Variants in AFG2A observed in about 807,000 individuals in gnomAD.
The protein encoded by AFG2A is ATPase family gene 2 protein homolog A.
At chr4:122,952,572 A>G in the AFG2A span, among the ~76,000 whole-genome samples, 3 of 152,030 alleles carry the variant, frequency 2.0e-5, no homozygotes, top group Non-Finnish European at 4.4e-5. Context: ...ATAAGCCTGG[A>G]CTCTGGATTT....
At chr4:123,175,438 A>G in the AFG2A span, among the ~76,000 whole-genome samples, 36 of 152,226 alleles carry the variant, frequency 2.4e-4, no homozygotes, top group Non-Finnish European at 7.3e-5. Flanking sequence ...TTGAAACAAC[A>G]TACCACTTCC....
At chr4:123,081,817 C>G in the AFG2A span, among the ~76,000 whole-genome samples, 1 of 152,164 alleles carries the variant, frequency 6.6e-6, no homozygotes, top group Non-Finnish European at 1.5e-5. Context: ...GTGTTGGCAA[C>G]TTTCCTGATT....
At chr4:122,941,556 A>T in the AFG2A span, among the ~76,000 whole-genome samples, 1 of 152,240 alleles carries the variant, frequency 6.6e-6, no homozygotes, top group African/African-American at 2.4e-5. Flanking sequence ...GGTTTTCTAG[A>T]TATACAATCA....
the AFG2A span, among the ~76,000 whole-genome samples, chr4:123,078,219 T>C: frequency 6.6e-6 from 1 of 152,192 alleles, no homozygotes; most frequent in South Asian, 2.1e-4. Flanking sequence ...ATATTTGACA[T>C]TGAACATTTG....
the AFG2A span, among the ~76,000 whole-genome samples, chr4:123,242,283 A>C: frequency 6.6e-6 from 1 of 152,212 alleles, no homozygotes; most frequent in East Asian, 1.9e-4. Context: ...TGAAACCAAA[A>C]AGGAGCCCGC....
the AFG2A span, among the ~76,000 whole-genome samples, chr4:123,275,105 C>T: frequency 1.3e-5 from 2 of 152,132 alleles, no homozygotes; most frequent in African/African-American, 2.4e-5. Flanking sequence ...TTTACCTCCT[C>T]CAATTTCCAC....
chr4:123,135,638 A>G, the AFG2A span, among the ~76,000 whole-genome samples: 4 of 152,234 alleles, frequency 2.6e-5, no homozygotes, highest in African/African-American at 7.2e-5. Context: ...ATCAAACAAT[A>G]TAGTATAACA....
chr4:123,061,379 GAA>G, the AFG2A span, among the ~76,000 whole-genome samples: 5 of 152,156 alleles, frequency 3.3e-5, no homozygotes, highest in African/African-American at 1.2e-4. Context: ...AATTTATAAA[GAA>G]AAAGAGGTTT....
the AFG2A span, among the ~76,000 whole-genome samples, chr4:122,977,682 T>G: frequency 1.1e-4 from 17 of 152,246 alleles, no homozygotes; most frequent in African/African-American, 4.1e-4. Context: ...CTTTCAGTCC[T>G]GCCATTTGGA....
chr4:122,934,515 A>G, the AFG2A span: 1 of 1,614,106 alleles, frequency 6.2e-7, no homozygotes, highest in African/African-American at 1.3e-5. Context: ...AAGAAGAGAG[A>G]CTGCTAAAGT....
the AFG2A span, chr4:123,056,437 A>G: frequency 6.2e-7 from 1 of 1,612,536 alleles, no homozygotes; most frequent in Non-Finnish European, 8.5e-7. Flanking sequence ...GAGCAGTTAG[A>G]GAGGTAAGAA....
the AFG2A span, among the ~76,000 whole-genome samples, chr4:122,956,798 C>T: frequency 6.6e-6 from 1 of 152,126 alleles, no homozygotes; most frequent in South Asian, 2.1e-4. Flanking sequence ...TTTGTGTATA[C>T]TGTCCCAAAT....
At chr4:123,003,744 C>G in the AFG2A span, among the ~76,000 whole-genome samples, 1 of 152,018 alleles carries the variant, frequency 6.6e-6, no homozygotes, top group African/African-American at 2.4e-5. Flanking sequence ...TTGGGGTGCT[C>G]GGTGGTCAGG....
chr4:122,935,943 A>C, the AFG2A span: 1 of 1,336,902 alleles, frequency 7.5e-7, no homozygotes, highest in African/African-American at 1.5e-5. Flanking sequence ...TATTTTGTAC[A>C]CTGAAATATT....
chr4:123,102,317 AAGCAATCAATC>A, the AFG2A span: 20 of 151,654 alleles, frequency 1.3e-4, no homozygotes, highest in African/African-American at 4.6e-4. Flanking sequence ...AAAAAAGAAA[AAGCAATCAATC>A]AGCCTTTAAG....
chr4:123,135,657 A>G, the AFG2A span, among the ~76,000 whole-genome samples: 10 of 152,262 alleles, frequency 6.6e-5, no homozygotes, highest in Non-Finnish European at 1.3e-4. Context: ...CAACGTTTAC[A>G]TAGCATTTAC....
At chr4:122,926,022 A>G in the AFG2A span, among the ~76,000 whole-genome samples, 3 of 152,236 alleles carry the variant, frequency 2.0e-5, no homozygotes, top group Non-Finnish European at 4.4e-5. Flanking sequence ...TTTTTAAAGT[A>G]TTGGAGGAGT....
At chr4:123,165,863 G>A in the AFG2A span, among the ~76,000 whole-genome samples, 2 of 152,052 alleles carry the variant, frequency 1.3e-5, no homozygotes, top group African/African-American at 4.8e-5. Context: ...TCACATTGGG[G>A]GGAAAATCAA....
At chr4:123,117,486 C>G in the AFG2A span, among the ~76,000 whole-genome samples, 2 of 148,680 alleles carry the variant, frequency 1.3e-5, no homozygotes, top group East Asian at 2.0e-4. Context: ...AGTTAGCATA[C>G]GAGATAGAGC....
Sources: allele counts gnomAD v4.1 joint callset (sites outside exome capture counted in the v4.1 genomes callset), GRCh38; gene constraint gnomAD v4.1.1; transcripts MANE v1.5; gene names NCBI Gene and HGNC (gene_info 2026-07-23, HGNC 2026-07-21).